The following SATL1 variants were observed in gnomAD, a reference collection of about 807,000 sequenced individuals.
SATL1 encodes spermidine/spermine N(1)-acetyltransferase-like protein 1.
SATL1 carries 47 observed loss-of-function variants against 51.8 expected under a neutral mutation model. The observed-to-expected ratio is 0.91, with a 90% CI of 0.72 to 1.16. SATL1 has a LOEUF of 1.16. Ranked by LOEUF, SATL1 falls within the 50% of genes most tolerant of loss-of-function variation. SATL1 has a pLI of 0.00. For missense variants in SATL1, 520 were observed against 526.4 expected (o/e 0.99, Z 0.12); for synonymous variants, 176 against 182.4 (o/e 0.97, Z 0.28).
chrX:85,221,091 C>T, intron 2 of SATL1, among the ~76,000 whole-genome samples: 1 of 111,305 alleles, frequency 9.0e-6, no homozygotes, highest in South Asian at 3.8e-4. Flanking sequence ...TATATTTCTC[C>T]TTAAACCTCT....
chrX:85,100,687 A>G, intron 4 of SATL1, among the ~76,000 whole-genome samples: 1 of 112,215 alleles, frequency 8.9e-6, no homozygotes, highest in Non-Finnish European at 1.9e-5. Flanking sequence ...CCTTTTTCAC[A>G]GAAATAGAAA....
chrX:85,167,042 T>A lies in SATL1; in HGVS notation c.-313+57163A>T, dbSNP rs187993789. 6.0e-4 allele frequency among the ~76,000 whole-genome samples: 64 copies of A among 106,623 alleles called. No homozygotes were observed. In the East Asian group the frequency reaches 6.2e-3, roughly 10 times the overall value. 92.6% of individuals were successfully genotyped at this position (106,623 alleles called of 115,157 possible). On this transcript the variant is annotated intron_variant, in intron 2 of 7. Coordinates refer to ENST00000644105, the MANE Select transcript of SATL1 (RefSeq NM_001367857.2). ...ATATATGTGTGTGTGTATATACATATCTCATGGAATACTACTCAGCCATAA... is the reference window on the plus strand; with the variant it reads ...ATATATGTGTGTGTGTATATACATAACTCATGGAATACTACTCAGCCATAA...
intron 2 of SATL1, among the ~76,000 whole-genome samples, chrX:85,131,156 A>C (rs1329706702): frequency 1.8e-5 from 2 of 111,782 alleles, no homozygotes; most frequent in Non-Finnish European, 3.8e-5. Context: ...GTAGATGTCT[A>C]TTCGGTCTGC....
At chrX:85,098,603 CAG>C (rs1924801100) in intron 4 of SATL1, among the ~76,000 whole-genome samples, 1 of 111,689 alleles carries the variant, frequency 9.0e-6, no homozygotes. Flanking sequence ...AAATCACACA[CAG>C]TATTTTTTCT....
rs991526361 is a variant in SATL1, at chrX:85,099,731, T to C, written c.1693+4133A>G. Among the ~76,000 whole-genome samples the C allele has an allele frequency of 1.4e-4, 16 of 111,666 alleles. 1 individual carries two copies. Among genetic ancestry groups the C allele is most frequent in the African/African-American group, 4.9e-4 (15 of 30,741 alleles). On this transcript the variant is annotated intron_variant, in intron 4 of 7. Coordinates refer to ENST00000644105, the MANE Select transcript of SATL1 (RefSeq NM_001367857.2). ...ATAAAAGCTTTTATAAAACTAGGAA[T>C]AGAGGGACATTCCTCAACATGATAC...
intron 2 of SATL1, among the ~76,000 whole-genome samples, chrX:85,198,240 A>G (rs1457084843): frequency 8.9e-6 from 1 of 111,965 alleles, no homozygotes; most frequent in African/African-American, 3.2e-5. Context: ...GTTGATGGAC[A>G]TTTAGGTTGC....
chrX:85,174,684 C>A (rs1236541471), intron 2 of SATL1, among the ~76,000 whole-genome samples: 1 of 111,211 alleles, frequency 9.0e-6, no homozygotes, highest in Admixed American at 9.6e-5. Flanking sequence ...AAAGACATAC[C>A]ATTTTCATGG....
chrX:85,199,011 T>C (rs934641983), intron 2 of SATL1, among the ~76,000 whole-genome samples: 1 of 110,105 alleles, frequency 9.1e-6, no homozygotes, highest in Admixed American at 9.8e-5. Context: ...CTAATTTTTT[T>C]GTAATTTTTA....
intron 3 of SATL1, among the ~76,000 whole-genome samples, chrX:85,106,940 C>T (rs1027661099): frequency 5.4e-5 from 6 of 111,442 alleles, no homozygotes; most frequent in Non-Finnish European, 1.1e-4. Context: ...GAAATTCTAT[C>T]ATCGGTGGGT....
At chrX:85,152,972 A>C (rs940384288) in intron 2 of SATL1, among the ~76,000 whole-genome samples, 12 of 110,034 alleles carry the variant, frequency 1.1e-4, no homozygotes, top group African/African-American at 4.0e-4. Flanking sequence ...TATAATAATA[A>C]AAATAAATAA....
chrX:85,111,532 G>C (rs1199628397), intron 2 of SATL1, among the ~76,000 whole-genome samples: 1 of 112,234 alleles, frequency 8.9e-6, no homozygotes. Context: ...TCAGTAGTCA[G>C]TCTTTGCCAC....
rs373577443 is a variant in SATL1, at chrX:85,198,198, T to G, written c.-313+26007A>C. On this transcript the variant is annotated intron_variant, in intron 2 of 7. Coordinates refer to ENST00000644105, the MANE Select transcript of SATL1 (RefSeq NM_001367857.2). ...TTAATGGCTAAATAGTATTCCATTG[T>G]GCATATGTACTATATTTTCTTTCTC... 2.7e-5 allele frequency among the ~76,000 whole-genome samples: 3 copies of G among 112,164 alleles called. No individual in the cohort carries two copies. In the South Asian group the frequency reaches 1.1e-3, roughly 41 times the overall value.
chrX:85,155,726 T>C (rs1926571545), intron 2 of SATL1, among the ~76,000 whole-genome samples: 1 of 111,221 alleles, frequency 9.0e-6, no homozygotes, highest in Non-Finnish European at 1.9e-5. Flanking sequence ...ATAGGGGCCA[T>C]GGTGCCAGAC....
intron 2 of SATL1, among the ~76,000 whole-genome samples, chrX:85,160,150 G>A (rs984048056): frequency 9.1e-6 from 1 of 109,744 alleles, no homozygotes; most frequent in African/African-American, 3.3e-5. Context: ...AAACTCTCAA[G>A]GTCATCAAAT....
In SATL1 at chrX:85,151,862, C is replaced by A. The variant is rs186608206; in HGVS notation, c.-312-42582G>T. 3.6e-5 allele frequency among the ~76,000 whole-genome samples: 4 copies of A among 111,352 alleles called. No homozygotes were observed. The East Asian group carries it at 1.1e-3, about 31-fold the overall frequency. ...ATGTTAGACCTAAAACCATAAAAAC[C>A]CTAGAAGAAAACCTAGGCAATACCA... On this transcript the variant is annotated intron_variant, in intron 2 of 7. Transcript: ENST00000644105.
chrX:85,240,656 G>A (rs1457914790), intron 1 of SATL1, among the ~76,000 whole-genome samples: 1 of 110,999 alleles, frequency 9.0e-6, no homozygotes, highest in African/African-American at 3.3e-5. Context: ...GGTATTCAAT[G>A]AGGTTTCATT....
intron 2 of SATL1, among the ~76,000 whole-genome samples, chrX:85,218,623 A>T (rs1358585397): frequency 8.9e-6 from 1 of 112,248 alleles, no homozygotes; most frequent in African/African-American, 3.2e-5. Context: ...TACAAAAAAG[A>T]CAAATGGAAT....
intron 2 of SATL1, among the ~76,000 whole-genome samples, chrX:85,218,439 T>G (rs753254614): frequency 1.8e-5 from 2 of 111,869 alleles, no homozygotes; most frequent in East Asian, 5.6e-4. Flanking sequence ...TGGAGATTTT[T>G]AATTGCCAAA....
intron 4 of SATL1, among the ~76,000 whole-genome samples, chrX:85,099,329 A>G (rs968574939): frequency 8.9e-6 from 1 of 111,835 alleles, no homozygotes; most frequent in African/African-American, 3.2e-5. Flanking sequence ...CCAAACATTT[A>G]CAGAAGAATT....
Sources: allele counts gnomAD v4.1 joint callset (sites outside exome capture counted in the v4.1 genomes callset), GRCh38; gene constraint gnomAD v4.1.1; transcripts MANE v1.5; gene names NCBI Gene and HGNC (gene_info 2026-07-23, HGNC 2026-07-21).